PDE4B: variants seen among roughly 807,000 people sequenced by gnomAD.
PDE4B encodes 3',5'-cyclic-AMP phosphodiesterase 4B.
Under a neutral mutation model 82.2 loss-of-function variants are expected in PDE4B, and 20 were observed. The observed-to-expected ratio is 0.24, with a 90% CI of 0.17 to 0.35. The LOEUF is 0.35. Among genes scored for constraint, PDE4B ranks in the 10% least tolerant of loss-of-function variants. The pLI, the probability that PDE4B is intolerant of heterozygous loss-of-function variation, is 1.00. For missense variants in PDE4B, 655 were observed against 907.2 expected (o/e 0.72, Z 3.57); for synonymous variants, 320 against 318.9 (o/e 1.00, Z -0.04).
At chr1:66,212,476 T>C (rs1650131479) in intron 3 of PDE4B, among the ~76,000 whole-genome samples, 1 of 152,164 alleles carries the variant, frequency 6.6e-6, no homozygotes, top group African/African-American at 2.4e-5. Context: ...TCTCACATTC[T>C]CCAGGAGGCC....
chr1:65,981,520 T>C (rs565590364), intron 3 of PDE4B, among the ~76,000 whole-genome samples: 19 of 149,238 alleles, frequency 1.3e-4, no homozygotes, highest in Non-Finnish European at 2.5e-4. Context: ...TTTATGTGTA[T>C]ATAAATATGG....
intron 3 of PDE4B, among the ~76,000 whole-genome samples, chr1:66,106,644 A>G (rs1397470174): frequency 7.2e-5 from 11 of 151,956 alleles, no homozygotes; most frequent in Non-Finnish European, 1.6e-4. Context: ...CAGAGATTCA[A>G]CTTCTTCCTG....
rs1017632130 is a variant in PDE4B, at chr1:66,186,282, T to A, written c.282-61178T>A. The stretch of plus-strand genomic sequence containing the variant: ...GTCAGGTAGCGTGATGCCTCCAGCT[T>A]TGTTCTTTTGGCTTAGGATTCACTT... On this transcript the variant is annotated intron_variant, in intron 3 of 16. Coordinates refer to ENST00000341517, the MANE Select transcript of PDE4B (RefSeq NM_002600.4). 1.2e-4 allele frequency among the ~76,000 whole-genome samples: 18 copies of A among 152,306 alleles called. No individual in the cohort carries two copies. The East Asian group carries it at 2.7e-3, about 23-fold the overall frequency.
chr1:66,154,587 T>C (rs578000275), intron 3 of PDE4B, among the ~76,000 whole-genome samples: 236 of 152,344 alleles, frequency 1.5e-3, no homozygotes, highest in African/African-American at 5.5e-3. Flanking sequence ...TGTTTTCTTT[T>C]GTTTTGCAAT....
chr1:65,866,749 G>T (rs1646516297), intron 1 of PDE4B, among the ~76,000 whole-genome samples: 1 of 152,196 alleles, frequency 6.6e-6, no homozygotes, highest in Non-Finnish European at 1.5e-5. Flanking sequence ...TCAATGGGAA[G>T]AACCCTGCTG....
At chr1:65,968,876 A>G (rs1649986404) in intron 3 of PDE4B, among the ~76,000 whole-genome samples, 2 of 152,112 alleles carry the variant, frequency 1.3e-5, no homozygotes, top group Admixed American at 1.3e-4. Flanking sequence ...CTATATTTTT[A>G]TTTCATTAAA....
At chr1:66,027,954 A>G (rs917055230) in intron 3 of PDE4B, among the ~76,000 whole-genome samples, 8 of 152,112 alleles carry the variant, frequency 5.3e-5, no homozygotes, top group African/African-American at 1.9e-4. Flanking sequence ...GGTGCAAGCT[A>G]TCGGTGGATC....
intron 4 of PDE4B, among the ~76,000 whole-genome samples, chr1:66,251,195 T>G (rs1036547344): frequency 1.3e-5 from 2 of 152,350 alleles, no homozygotes; most frequent in Admixed American, 6.5e-5. Context: ...CTGTATGCTA[T>G]CTGTTAAAAT....
chr1:66,266,079 A>G lies in PDE4B; in HGVS notation c.626A>G (p.Asn209Ser), dbSNP rs913383499. 6.2e-7 allele frequency: 1 copy of G among 1,612,058 alleles called. No individual in the cohort carries two copies. Among genetic ancestry groups the G allele is most frequent in the African/African-American group, 1.3e-5 (1 of 74,984 alleles). ...AGTCAGCCTCCTGTCTCCAGAGTCA[A>G]CCCACAAGGTAGGCCATGTCATAAG... ...AASQPPVSRV[N>S]PQEESYQKLA... Residue 209 changes from asparagine to serine, a missense_variant, in exon 7 of 17, where the codon AAC becomes AGC. By Grantham distance (46) the Asn-to-Ser change is conservative. This residue lies in a region of PDE4B where 253 missense variants were observed against 275.6 expected (regional missense o/e 0.92). Coordinates refer to ENST00000341517, the MANE Select transcript of PDE4B (RefSeq NM_002600.4).
At chr1:65,906,298 C>A (rs548294017) in intron 1 of PDE4B, among the ~76,000 whole-genome samples, 10 of 152,134 alleles carry the variant, frequency 6.6e-5, no homozygotes, top group African/African-American at 2.4e-4. Context: ...CATCCTAAAC[C>A]TCCACTAATG....
chr1:66,240,936 G>T (rs1325732276), intron 3 of PDE4B, among the ~76,000 whole-genome samples: 1 of 152,240 alleles, frequency 6.6e-6, no homozygotes, highest in African/African-American at 2.4e-5. Context: ...CACAGAGCTG[G>T]AAGTAGAAGC....
intron 7 of PDE4B, among the ~76,000 whole-genome samples, chr1:66,305,826 A>C (rs935800125): frequency 6.6e-6 from 1 of 152,176 alleles, no homozygotes; most frequent in Admixed American, 6.6e-5. Context: ...TTTATCCTTC[A>C]TCTATCACAA....
chr1:65,823,396 T>TAAAAA (rs35854326), intron 1 of PDE4B, among the ~76,000 whole-genome samples: 1 of 70,416 alleles, frequency 1.4e-5, no homozygotes, highest in East Asian at 4.2e-4. Context: ...ACTCCATCTC[T>TAAAAA]AAAAAAAAAA....
chr1:65,878,956 A>G (rs1050795561), intron 1 of PDE4B, among the ~76,000 whole-genome samples: 1 of 152,182 alleles, frequency 6.6e-6, no homozygotes, highest in African/African-American at 2.4e-5. Flanking sequence ...TAATGAGAGT[A>G]TTTTTTGAGT....
chr1:66,188,787 C>T (rs1180561016), intron 3 of PDE4B, among the ~76,000 whole-genome samples: 3 of 151,898 alleles, frequency 2.0e-5, no homozygotes, highest in African/African-American at 7.3e-5. Context: ...ACTGTTTATC[C>T]AATTTGCCAG....
Position 66,373,882 on chromosome 1 carries a change from C to T in PDE4B, c.*1204C>T, listed in dbSNP as rs981912525. On this transcript the variant is annotated 3_prime_UTR_variant, in exon 17 of 17. Coordinates refer to ENST00000341517, the MANE Select transcript of PDE4B (RefSeq NM_002600.4). Reference sequence around the variant, plus strand: ...TTTTGTTCAAAGGGTCTGCCCTTTCCCTGCCTGAGTTGCTACTTCTGCACA... The same window carrying T: ...TTTTGTTCAAAGGGTCTGCCCTTTCTCTGCCTGAGTTGCTACTTCTGCACA... The T allele has an allele frequency of 1.6e-4, 24 of 152,472 alleles. No individual in the cohort carries two copies. Among genetic ancestry groups the T allele is most frequent in the Admixed American group, 1.4e-3 (22 of 15,282 alleles). The allele number at this position is 152,472 out of a possible 1,614,324, so 9.4% of individuals were successfully genotyped here.
chr1:66,214,846 C>T (rs1650328102), intron 3 of PDE4B, among the ~76,000 whole-genome samples: 1 of 152,104 alleles, frequency 6.6e-6, no homozygotes, highest in South Asian at 2.1e-4. Context: ...CTGGCAACAG[C>T]AGCCTGAGAC....
At chr1:65,839,644 GC>G (rs1646184256) in intron 1 of PDE4B, among the ~76,000 whole-genome samples, 2 of 152,124 alleles carry the variant, frequency 1.3e-5, no homozygotes, top group Admixed American at 6.6e-5. Flanking sequence ...GTGTCTATGT[GC>G]CACATTTTCT....
intron 3 of PDE4B, among the ~76,000 whole-genome samples, chr1:66,234,777 C>T (rs1371654749): frequency 6.6e-6 from 1 of 152,050 alleles, no homozygotes; most frequent in Non-Finnish European, 1.5e-5. Context: ...CTCTCTCCCT[C>T]TCTCTTTTAT....
Sources: allele counts gnomAD v4.1 joint callset (sites outside exome capture counted in the v4.1 genomes callset), GRCh38; gene constraint gnomAD v4.1.1; regional missense constraint gnomAD v4.1.1; transcripts MANE v1.5; gene names NCBI Gene and HGNC (gene_info 2026-07-23, HGNC 2026-07-21).